The following FMNL2 variants were observed in gnomAD, a reference collection of about 807,000 sequenced individuals.
FMNL2 encodes formin like 2, also known as formin-like protein 2.
FMNL2 carries 51 observed loss-of-function variants against 130.2 expected under a neutral mutation model. The ratio of observed to expected loss-of-function variants is 0.39; its 90% CI spans 0.31 to 0.49. The LOEUF (loss-of-function observed/expected upper bound fraction) is 0.49, where lower values mean the gene tolerates loss of function less well. Ranked by LOEUF, FMNL2 falls within the 20% of genes least tolerant of loss-of-function variation. The pLI is 0.85. For synonymous variants in FMNL2, 465 were observed against 467.1 expected (o/e 1.00, Z 0.06); for missense variants, 977 against 1,316.2 (o/e 0.74, Z 3.99).
chr2:152,503,993 C>G (rs758103063), intron 1 of FMNL2, among the ~76,000 whole-genome samples: 32 of 152,128 alleles, frequency 2.1e-4, no homozygotes, highest in Non-Finnish European at 4.1e-4. Context: ...AGTTTGAGAC[C>G]AGCCTGGTCA....
At chr2:152,427,439 C>T (rs1028659604) in intron 1 of FMNL2, among the ~76,000 whole-genome samples, 2 of 152,048 alleles carry the variant, frequency 1.3e-5, no homozygotes, top group South Asian at 2.1e-4. Context: ...CGCAGCTACT[C>T]GAGAGGCTGA....
At chr2:152,643,509 A>G in intron 25 of FMNL2, 6 of 1,536,144 alleles carry the variant, frequency 3.9e-6, no homozygotes, top group East Asian at 2.4e-5. Flanking sequence ...TACCATTACT[A>G]AACTATTACT....
At chr2:152,549,152 T>C (rs972991481) in intron 4 of FMNL2, 55 bp downstream of exon 4, 2 of 1,262,006 alleles carry the variant, frequency 1.6e-6, no homozygotes, top group African/African-American at 1.5e-5. Flanking sequence ...CTTTACAAAG[T>C]AACTGAATCA....
chr2:152,523,147 T>C (rs1471215096), intron 2 of FMNL2, among the ~76,000 whole-genome samples: 1 of 152,210 alleles, frequency 6.6e-6, no homozygotes, highest in Non-Finnish European at 1.5e-5. Context: ...CACAAAGTGA[T>C]AGATAATGTT....
At chr2:152,635,879 C>G (rs921231546) in intron 21 of FMNL2, among the ~76,000 whole-genome samples, 3 of 152,126 alleles carry the variant, frequency 2.0e-5, no homozygotes, top group Non-Finnish European at 4.4e-5. Flanking sequence ...CAGAGAAATG[C>G]AAAAAGAGTT....
intron 1 of FMNL2, among the ~76,000 whole-genome samples, chr2:152,447,344 C>T (rs1688401673): frequency 6.6e-6 from 1 of 152,126 alleles, no homozygotes; most frequent in Admixed American, 6.5e-5. Flanking sequence ...CTCAAGCCAT[C>T]CTCCCACCTT....
rs1467314786 is a variant in FMNL2, at chr2:152,619,093, C to A, written c.1562C>A (p.Ala521Asp). The change falls in exon 14 of 26, where the codon GCT becomes GAT. Residue 521 changes from alanine (A) to aspartate (D), a missense_variant. Transcript: ENST00000288670. ...GNSVGPTMGA[A>D]SSGPLPPPPP... ...TCTGTGGGACCCACAATGGGGGCCG[C>A]TTCCTCAGGACCCTTGCCCCCTCCT... 6.2e-7 allele frequency: 1 copy of A among 1,611,998 alleles called. No individual in the cohort carries two copies. The highest frequency in any genetic ancestry group is 8.5e-7 in the Non-Finnish European group (1 of 1,178,500).
At chr2:152,349,494 C>T (rs977394290) in intron 1 of FMNL2, among the ~76,000 whole-genome samples, 7 of 152,220 alleles carry the variant, frequency 4.6e-5, no homozygotes, top group Non-Finnish European at 7.3e-5. Context: ...ATTATGTTTT[C>T]TGAGTTAGCT....
intron 1 of FMNL2, among the ~76,000 whole-genome samples, chr2:152,468,419 T>A (rs1689672161): frequency 6.6e-6 from 1 of 152,206 alleles, no homozygotes; most frequent in Admixed American, 6.5e-5. Context: ...ACTGGAAAAC[T>A]TTTTCTGTAT....
chr2:152,463,322 C>G (rs1310820406), intron 1 of FMNL2, among the ~76,000 whole-genome samples: 1 of 152,032 alleles, frequency 6.6e-6, no homozygotes, highest in African/African-American at 2.4e-5. Flanking sequence ...CACAACAGCC[C>G]TGGGAGATAG....
chr2:152,378,112 G>GAAA (rs373312727), intron 1 of FMNL2, among the ~76,000 whole-genome samples: 3 of 120,096 alleles, frequency 2.5e-5, no homozygotes, highest in Non-Finnish European at 3.3e-5. Context: ...ACCCTGTCTT[G>GAAA]AAAAAAAAAA....
intron 10 of FMNL2, among the ~76,000 whole-genome samples, chr2:152,608,360 GAAAAAAAAAAAGAA>G (rs1469243276): frequency 2.8e-3 from 46 of 16,562 alleles, no homozygotes; most frequent in African/African-American, 7.6e-3. Context: ...CCCTTTTTGT[GAAAAAAAAAAAGAA>G]AAAAAAAAAA....
At chr2:152,595,218 G>A (rs1030463094) in intron 9 of FMNL2, among the ~76,000 whole-genome samples, 1 of 152,006 alleles carries the variant, frequency 6.6e-6, no homozygotes, top group African/African-American at 2.4e-5. Context: ...ATTAGTAAAT[G>A]GTGCTTTCTA....
intron 1 of FMNL2, among the ~76,000 whole-genome samples, chr2:152,500,922 A>G (rs1285395033): frequency 2.6e-5 from 4 of 152,218 alleles, no homozygotes; most frequent in African/African-American, 7.2e-5. Flanking sequence ...ATTTGACACA[A>G]AAGGGAGTGG....
intron 6 of FMNL2, among the ~76,000 whole-genome samples, chr2:152,563,475 C>T (rs376220674): frequency 3.3e-4 from 50 of 152,178 alleles, no homozygotes; most frequent in African/African-American, 1.1e-3. Context: ...AGTTTTCCAG[C>T]TCTTGTGGTT....
intron 1 of FMNL2, among the ~76,000 whole-genome samples, chr2:152,394,082 C>T (rs1673479696): frequency 6.7e-6 from 1 of 148,584 alleles, no homozygotes; most frequent in Admixed American, 6.6e-5. Flanking sequence ...TTTATTTTGA[C>T]TATTTTCCTC....
intron 1 of FMNL2, among the ~76,000 whole-genome samples, chr2:152,357,070 T>C (rs1259864078): frequency 6.9e-6 from 1 of 145,826 alleles, no homozygotes. Context: ...TACATAAGTT[T>C]AATATATCAC....
intron 1 of FMNL2, among the ~76,000 whole-genome samples, chr2:152,357,138 C>A (rs1682864561): frequency 7.9e-6 from 1 of 126,986 alleles, no homozygotes; most frequent in African/African-American, 2.9e-5. Flanking sequence ...TTTAATGTAT[C>A]ACGATAAATA....
intron 1 of FMNL2, among the ~76,000 whole-genome samples, chr2:152,439,400 G>A (rs1018670365): frequency 6.6e-6 from 1 of 152,074 alleles, no homozygotes; most frequent in African/African-American, 2.4e-5. Context: ...GGATATGTGT[G>A]TGTTTTGGTT....
Sources: allele counts gnomAD v4.1 joint callset (sites outside exome capture counted in the v4.1 genomes callset), GRCh38; gene constraint gnomAD v4.1.1; transcripts MANE v1.5; gene names NCBI Gene and HGNC (gene_info 2026-07-23, HGNC 2026-07-21).